The following GXYLT1 variants were observed in gnomAD, a reference collection of about 807,000 sequenced individuals.
The protein encoded by GXYLT1 is glycosyltransferase 8 domain containing 3.
GXYLT1 carries 29 observed loss-of-function variants against 54.0 expected under a neutral mutation model. The observed-to-expected ratio is 0.54, with a 90% CI of 0.40 to 0.73. GXYLT1 has a LOEUF of 0.73. Among genes scored for constraint, GXYLT1 ranks in the 30% least tolerant of loss-of-function variants. GXYLT1 has a pLI of 0.00. For missense variants in GXYLT1, 490 were observed against 553.4 expected (o/e 0.89, Z 1.15); for synonymous variants, 176 against 204.1 (o/e 0.86, Z 1.17).
chr12:42,100,967 A>C (rs2065386553), intron 5 of GXYLT1, among the ~76,000 whole-genome samples: 1 of 151,918 alleles, frequency 6.6e-6, no homozygotes. Flanking sequence ...ATATCTTACA[A>C]GAAATGTACC....
At chr12:42,112,595 A>C (rs531491055) in intron 3 of GXYLT1, among the ~76,000 whole-genome samples, 17 of 152,296 alleles carry the variant, frequency 1.1e-4, no homozygotes, top group African/African-American at 4.1e-4. Flanking sequence ...TTAGAGAAAA[A>C]AGATAAAAAG....
intron 2 of GXYLT1, among the ~76,000 whole-genome samples, chr12:42,129,442 T>C (rs1313154402): frequency 6.6e-6 from 1 of 152,156 alleles, no homozygotes; most frequent in Admixed American, 6.5e-5. Context: ...TATAGATATA[T>C]CTGTAAACGT....
chr12:42,106,136 T>C (rs1592108597), intron 4 of GXYLT1, 67 bp from the exon 5 acceptor site: 2 of 1,128,184 alleles, frequency 1.8e-6, no homozygotes, highest in South Asian at 2.8e-5. Flanking sequence ...AAAGCACCTC[T>C]AATTGTGTAA....
intron 5 of GXYLT1, among the ~76,000 whole-genome samples, chr12:42,104,141 T>G (rs574530459): frequency 6.6e-6 from 1 of 152,188 alleles, no homozygotes; most frequent in Non-Finnish European, 1.5e-5. Context: ...GGATTTGAAC[T>G]ATATAGCTAT....
intron 3 of GXYLT1, among the ~76,000 whole-genome samples, chr12:42,117,350 A>G (rs962862305): frequency 6.6e-6 from 1 of 152,170 alleles, no homozygotes; most frequent in East Asian, 1.9e-4. Flanking sequence ...AAATACAGAT[A>G]CTAAAAATAT....
chr12:42,111,944 A>C (rs2136896980), intron 3 of GXYLT1, among the ~76,000 whole-genome samples: 1 of 152,306 alleles, frequency 6.6e-6, no homozygotes, highest in South Asian at 2.1e-4. Context: ...CAAAACTTCC[A>C]AAGGAACCAT....
intron 2 of GXYLT1, among the ~76,000 whole-genome samples, chr12:42,120,185 A>G (rs2065522219): frequency 6.6e-6 from 1 of 152,140 alleles, no homozygotes; most frequent in Non-Finnish European, 1.5e-5. Context: ...CTCTCCCCAT[A>G]CCACCTCTCA....
intron 3 of GXYLT1, among the ~76,000 whole-genome samples, chr12:42,116,145 A>C (rs1401065925): frequency 1.3e-5 from 2 of 152,050 alleles, no homozygotes; most frequent in Non-Finnish European, 2.9e-5. Flanking sequence ...TGGATTAAAG[A>C]CTTACATGTT....
In GXYLT1 at chr12:42,144,827, G is replaced by A. The variant is rs950858554; in HGVS notation, c.-181C>T. On this transcript the variant is annotated 5_prime_UTR_variant, in exon 1 of 8. Coordinates refer to ENST00000398675, the MANE Select transcript of GXYLT1 (RefSeq NM_173601.2). ...CACCACCTAGGCGAGCGCAGTCGCG[G>A]CTCCGGAGCCGAAGGACTACCCGCC... is the stretch of plus-strand genomic sequence containing the variant. 8.2e-5 allele frequency: 32 copies of A among 390,134 alleles called. No homozygotes were observed. The highest frequency in any genetic ancestry group is 1.9e-4 in the Admixed American group (4 of 20,998). 24.2% of individuals were successfully genotyped at this position (390,134 alleles called of 1,614,324 possible).
intron 3 of GXYLT1, among the ~76,000 whole-genome samples, chr12:42,113,603 C>G (rs2136899254): frequency 6.6e-6 from 1 of 150,966 alleles, no homozygotes; most frequent in Admixed American, 6.6e-5. Context: ...ATATATGCAC[C>G]CAATACAGGA....
At chr12:42,099,807 T>C (rs973175107) in intron 5 of GXYLT1, among the ~76,000 whole-genome samples, 9 of 152,114 alleles carry the variant, frequency 5.9e-5, no homozygotes, top group East Asian at 1.9e-4. Context: ...GCCAAGATTG[T>C]GCCACTGCAC....
At chr12:42,134,842 C>T (rs1189577011) in intron 1 of GXYLT1, among the ~76,000 whole-genome samples, 1 of 152,210 alleles carries the variant, frequency 6.6e-6, no homozygotes, top group Admixed American at 6.5e-5. Flanking sequence ...CTATTACCAA[C>T]TCCATATGCT....
chr12:42,108,251 C>T (rs2065432107), intron 4 of GXYLT1, among the ~76,000 whole-genome samples: 1 of 152,126 alleles, frequency 6.6e-6, no homozygotes, highest in Non-Finnish European at 1.5e-5. Context: ...TGCCATGGTG[C>T]CAAGTGTTAA....
intron 3 of GXYLT1, among the ~76,000 whole-genome samples, chr12:42,111,626 A>G (rs1195900441): frequency 6.6e-6 from 1 of 152,218 alleles, no homozygotes; most frequent in Non-Finnish European, 1.5e-5. Flanking sequence ...TTAGGTAAAC[A>G]AAGTGGCCAG....
intron 3 of GXYLT1, 24 bp from the exon 4 acceptor site, chr12:42,109,715 G>T: frequency 7.3e-7 from 1 of 1,362,158 alleles, no homozygotes; most frequent in Non-Finnish European, 1.0e-6. Context: ...AAAAAAAACT[G>T]TTTAGTTTCA....
At chr12:42,096,503 A>G (rs911044844) in intron 7 of GXYLT1, among the ~76,000 whole-genome samples, 9 of 152,316 alleles carry the variant, frequency 5.9e-5, no homozygotes, top group South Asian at 2.1e-4. Context: ...TTGGAGGAAC[A>G]TAAGTATCAA....
intron 1 of GXYLT1, among the ~76,000 whole-genome samples, chr12:42,143,695 T>C (rs2065663924): frequency 6.6e-6 from 1 of 152,218 alleles, no homozygotes; most frequent in South Asian, 2.1e-4. Flanking sequence ...TTTTTTTCTA[T>C]TTAAATCTCA....
intron 7 of GXYLT1, among the ~76,000 whole-genome samples, chr12:42,095,313 A>T (rs2065349540): frequency 6.6e-6 from 1 of 152,168 alleles, no homozygotes; most frequent in South Asian, 2.1e-4. Context: ...TATATATATG[A>T]CACAGCTAAC....
At chr12:42,138,181 C>T (rs2065631568) in intron 1 of GXYLT1, among the ~76,000 whole-genome samples, 2 of 152,142 alleles carry the variant, frequency 1.3e-5, no homozygotes, top group Non-Finnish European at 2.9e-5. Flanking sequence ...GCAGAAGAAT[C>T]GCTTGAACCC....
Sources: gnomAD v4.1 joint callset for allele counts (sites outside exome capture counted in the v4.1 genomes callset) on GRCh38, gnomAD v4.1.1 for gene constraint, MANE v1.5 for transcripts, NCBI Gene and HGNC (gene_info 2026-07-23, HGNC 2026-07-21) for gene names.